Variants in TMC5 observed in about 807,000 individuals in gnomAD.
TMC5 encodes the protein transmembrane channel like 5, also known as transmembrane channel-like protein 5.
Under a neutral mutation model 110.5 loss-of-function variants are expected in TMC5, and 86 were observed. The observed-to-expected ratio is 0.78, with a 90% CI of 0.65 to 0.93. TMC5 has a LOEUF of 0.93. Ranked by LOEUF, TMC5 falls within the 40% of genes least tolerant of loss-of-function variation. The pLI is 0.00. For missense variants in TMC5, 1,144 were observed against 1,222.8 expected (o/e 0.94, Z 0.96); for synonymous variants, 455 against 439.5 (o/e 1.04, Z -0.44).
chr16:19,468,272 G>A (rs1471517045), intron 9 of TMC5, among the ~76,000 whole-genome samples: 2 of 152,124 alleles, frequency 1.3e-5, no homozygotes, highest in Admixed American at 6.6e-5. Flanking sequence ...ATCATGCCCG[G>A]CCAGAAATGA....
intron 1 of TMC5, among the ~76,000 whole-genome samples, chr16:19,419,967 G>T (rs1172755078): frequency 6.6e-6 from 1 of 152,138 alleles, no homozygotes; most frequent in Non-Finnish European, 1.5e-5. Flanking sequence ...ATCAGTTATG[G>T]TCATTTCTGC....
intron 5 of TMC5, among the ~76,000 whole-genome samples, chr16:19,451,040 G>A (rs1201402271): frequency 4.6e-5 from 7 of 152,180 alleles, no homozygotes; most frequent in African/African-American, 1.7e-4. Context: ...AGACCGAGGC[G>A]GTAGGATTGC....
chr16:19,471,519 A>G (rs1968341094), intron 10 of TMC5, among the ~76,000 whole-genome samples: 1 of 152,208 alleles, frequency 6.6e-6, no homozygotes, highest in Admixed American at 6.5e-5. Flanking sequence ...GTCCCGATCT[A>G]TTAATTCCAA....
At chr16:19,490,883 T>C (rs1356935559) in intron 18 of TMC5, among the ~76,000 whole-genome samples, 2 of 88,918 alleles carry the variant, frequency 2.2e-5, no homozygotes, top group African/African-American at 6.8e-5. Context: ...CCTTCCTTCC[T>C]TCCTTCTTTC....
intron 6 of TMC5, among the ~76,000 whole-genome samples, chr16:19,460,988 T>G (rs1968007717): frequency 6.6e-6 from 1 of 152,090 alleles, no homozygotes. Flanking sequence ...AGACTCCATC[T>G]TTACAAAAAA....
chr16:19,497,081 C>T, intron 20 of TMC5, 40 bp from the exon 21 acceptor site: 1 of 1,612,248 alleles, frequency 6.2e-7, no homozygotes, highest in Non-Finnish European at 8.5e-7. Context: ...AATCTGCATT[C>T]TTCCTCCGTG....
chr16:19,467,266 C>T (rs1208221307), intron 9 of TMC5, among the ~76,000 whole-genome samples: 1 of 152,158 alleles, frequency 6.6e-6, no homozygotes, highest in Admixed American at 6.5e-5. Flanking sequence ...TCTCATGGTT[C>T]TGGAGGCCTG....
At chr16:19,419,488 T>C (rs1397283578) in intron 1 of TMC5, among the ~76,000 whole-genome samples, 4 of 136,736 alleles carry the variant, frequency 2.9e-5, no homozygotes, top group African/African-American at 1.1e-4. Flanking sequence ...TCTCGGCGCA[T>C]TGCAAGCTCC....
chr16:19,437,195 A>T (rs1967368333), intron 2 of TMC5, among the ~76,000 whole-genome samples: 1 of 151,956 alleles, frequency 6.6e-6, no homozygotes, highest in Admixed American at 6.6e-5. Context: ...ATAAAGTAAA[A>T]TTTCCTAGCT....
Position 19,472,090 on chromosome 16 carries a change from G to C in TMC5, c.1785G>C (p.Glu595Asp). 1.2e-6 allele frequency: 2 copies of C among 1,613,916 alleles called. No individual in the cohort carries two copies. Among genetic ancestry groups the C allele is most frequent in the South Asian group, 1.1e-5 (1 of 91,076 alleles). ...ACTTGACTTTCTTATGTTTCTAGGAGAACCTGTCAGAGCTCCGTCAGGAGA... is the reference window on the plus strand; with the variant it reads ...ACTTGACTTTCTTATGTTTCTAGGACAACCTGTCAGAGCTCCGTCAGGAGA... ...KQKNLSTEIR[E>D]NLSELRQENS... is the part of the protein sequence containing the mutation. Residue 595 changes from glutamate to aspartate, a missense_variant and splice_region_variant, in exon 11 of 22, where the codon GAG (glutamate) becomes GAC (aspartate). Transcript: ENST00000542583.
intron 2 of TMC5, among the ~76,000 whole-genome samples, chr16:19,436,251 GA>G (rs1967341884): frequency 1.1e-5 from 1 of 87,538 alleles, no homozygotes; most frequent in Admixed American, 1.4e-4. Flanking sequence ...CTGGGTGAAA[GA>G]GCAAAAGTTC....
intron 14 of TMC5, among the ~76,000 whole-genome samples, chr16:19,480,863 A>G (rs1490235452): frequency 2.7e-5 from 4 of 150,254 alleles, no homozygotes; most frequent in African/African-American, 9.8e-5. Flanking sequence ...TTTTTTTTAA[A>G]TTGGCAACTC....
rs1434500817 is a variant in TMC5 at position 19,498,254 on chromosome 16, A to C, written c.*288A>C. ...AAAACCTAGGAAGAGATAACTAGGGAATAATGTATATTATCTTCAAGAAGT... is the reference window on the plus strand; with the variant it reads ...AAAACCTAGGAAGAGATAACTAGGGCATAATGTATATTATCTTCAAGAAGT... On this transcript the variant is annotated 3_prime_UTR_variant, in exon 22 of 22. Coordinates refer to ENST00000542583, the MANE Select transcript of TMC5 (RefSeq NM_001261841.2). The C allele has an allele frequency of 4.8e-6, 2 of 412,520 alleles. No homozygotes were observed. The highest frequency in any genetic ancestry group is 8.8e-6 in the Non-Finnish European group (2 of 226,268). The allele number at this position is 412,520 out of a possible 1,614,324, so 25.6% of individuals were successfully genotyped here.
At chr16:19,466,283 G>A in intron 9 of TMC5, 50 bp downstream of exon 9, 1 of 1,598,518 alleles carries the variant, frequency 6.3e-7, no homozygotes, top group Admixed American at 1.7e-5. Flanking sequence ...TTAGATTTCA[G>A]CAAAAATCCA....
chr16:19,465,123 C>T lies in TMC5; in HGVS notation c.1486-959C>T, dbSNP rs111634879. Among the ~76,000 whole-genome samples, 129 of 50,810 alleles carry T rather than the reference C, an allele frequency of 2.5e-3. 1 individual carries two copies. Among genetic ancestry groups the T allele is most frequent in the South Asian group, 7.8e-3 (6 of 766 alleles). The allele number at this position is 50,810 out of a possible 152,430, so 33.3% of individuals were successfully genotyped here. ...TTCCTTCCTTCCTTCCTCCCTCCCT[C>T]CCTCCCTCCCTTCCTGGACCCCAAA... On this transcript the variant is annotated intron_variant, in intron 8 of 21. Transcript: ENST00000542583.
rs780307118 is a variant in TMC5 at position 19,497,930 on chromosome 16, T to G, written c.2985T>G (p.Ser995=). ...CTGTGTCAAACCTAGACTTGCGATC[T>G]AGAAGATCAGTTCAAGAAGGTAATC... ...GEHDGSLDLR[S]RRSVQEGNPR... is the part of the protein sequence containing the mutation. The change falls in exon 22 of 22, where the codon TCT becomes TCG. Residue 995 remains serine, a synonymous_variant. Transcript: ENST00000542583. The G allele has an allele frequency of 5.0e-6, 8 of 1,614,048 alleles. No individual in the cohort carries two copies. The highest frequency in any genetic ancestry group is 6.8e-6 in the Non-Finnish European group (8 of 1,179,966).
chr16:19,436,028 G>A (rs1307254329), intron 2 of TMC5, among the ~76,000 whole-genome samples: 1 of 152,034 alleles, frequency 6.6e-6, no homozygotes, highest in Non-Finnish European at 1.5e-5. Flanking sequence ...TTGGGAGGCC[G>A]AGGTAGGTGT....
chr16:19,481,599 C>A, intron 15 of TMC5, 134 bp downstream of exon 15: 1 of 679,000 alleles, frequency 1.5e-6, no homozygotes, highest in African/African-American at 1.8e-5. Context: ...GTCTGAGAAC[C>A]ATGAATTTAG....
At chr16:19,475,251 G>A (rs1222284086) in intron 12 of TMC5, among the ~76,000 whole-genome samples, 1 of 152,070 alleles carries the variant, frequency 6.6e-6, no homozygotes, top group African/African-American at 2.4e-5. Context: ...GTGAAACCCC[G>A]TCTTTACTAA....
Sources: allele counts gnomAD v4.1 joint callset (sites outside exome capture counted in the v4.1 genomes callset), GRCh38; gene constraint gnomAD v4.1.1; transcripts MANE v1.5; gene names NCBI Gene and HGNC (gene_info 2026-07-23, HGNC 2026-07-21).